Variants in RAB2A observed in about 807,000 individuals in gnomAD.
RAB2A encodes the protein RAB2A, member RAS oncogene family.
Under a neutral mutation model 32.5 loss-of-function variants are expected in RAB2A, and 7 were observed. The ratio of observed to expected loss-of-function variants is 0.22; its 90% CI spans 0.12 to 0.40. The LOEUF (loss-of-function observed/expected upper bound fraction) is 0.40, where lower values mean the gene tolerates loss of function less well. Ranked by LOEUF, RAB2A falls within the 10% of genes least tolerant of loss-of-function variation. RAB2A has a pLI of 1.00. For synonymous variants in RAB2A, 79 were observed against 85.2 expected, an observed-to-expected ratio of 0.93 and a Z score of 0.40; for missense variants, 108 against 260.7, an observed-to-expected ratio of 0.41 and a Z score of 4.03.
At chr8:60,570,043 A>G (rs756695715) in intron 2 of RAB2A, 1 of 456,162 alleles carries the variant, frequency 2.2e-6, no homozygotes, top group South Asian at 1.5e-5. Flanking sequence ...ATCTGCTCGG[A>G]TGGAATGGTC....
intron 1 of RAB2A, among the ~76,000 whole-genome samples, chr8:60,547,391 C>T (rs76360956): frequency 2.0e-5 from 3 of 152,332 alleles, no homozygotes; most frequent in South Asian, 2.1e-4. Context: ...CATCATGGCC[C>T]GTTCTCAATG....
intron 6 of RAB2A, among the ~76,000 whole-genome samples, chr8:60,614,776 A>G (rs537251270): frequency 2.6e-5 from 4 of 152,312 alleles, no homozygotes; most frequent in African/African-American, 9.6e-5. Context: ...TTAGTGTTTG[A>G]GGTGGAAAGC....
intron 1 of RAB2A, among the ~76,000 whole-genome samples, chr8:60,525,895 T>G (rs1807370136): frequency 1.3e-5 from 2 of 149,348 alleles, no homozygotes; most frequent in South Asian, 4.2e-4. Context: ...TATATATATT[T>G]TTTAGTTTTT....
chr8:60,560,762 G>A (rs1808010744), intron 2 of RAB2A, among the ~76,000 whole-genome samples: 1 of 140,332 alleles, frequency 7.1e-6, no homozygotes, highest in Non-Finnish European at 1.5e-5. Context: ...TTTTTTTTTA[G>A]CTCATCACCT....
intron 3 of RAB2A, among the ~76,000 whole-genome samples, chr8:60,581,039 C>T (rs1235489506): frequency 3.9e-5 from 6 of 152,128 alleles, no homozygotes; most frequent in Admixed American, 3.9e-4. Context: ...TCTTCCTTAT[C>T]CATGAGGAAT....
intron 3 of RAB2A, among the ~76,000 whole-genome samples, chr8:60,579,725 T>C (rs1803707816): frequency 6.6e-6 from 1 of 151,980 alleles, no homozygotes; most frequent in South Asian, 2.1e-4. Context: ...CCTCCCAGGT[T>C]CACGCCATTC....
chr8:60,596,777 C>G (rs1804036354), intron 6 of RAB2A, among the ~76,000 whole-genome samples: 1 of 152,054 alleles, frequency 6.6e-6, no homozygotes, highest in Non-Finnish European at 1.5e-5. Flanking sequence ...AAAAATTAGC[C>G]AGGCGTGGTG....
chr8:60,611,063 A>G (rs1804337775), intron 6 of RAB2A, among the ~76,000 whole-genome samples: 2 of 152,204 alleles, frequency 1.3e-5, no homozygotes. Flanking sequence ...TTACTCTGTC[A>G]CTTAAAGTCC....
At chr8:60,607,737 G>T (rs952832435) in intron 6 of RAB2A, among the ~76,000 whole-genome samples, 3 of 152,186 alleles carry the variant, frequency 2.0e-5, no homozygotes, top group African/African-American at 7.2e-5. Flanking sequence ...TGATCCAGGG[G>T]TCACACTCTG....
Position 60,530,124 on chromosome 8 carries a change from C to T in RAB2A, c.46+12871C>T, listed in dbSNP as rs143990930. 1.5e-3 allele frequency among the ~76,000 whole-genome samples: 221 copies of T among 149,492 alleles called. 2 individuals carry two copies. Among genetic ancestry groups the T allele is most frequent in the Middle Eastern group, 3.5e-3 (1 of 282 alleles). On this transcript the variant is annotated intron_variant, in intron 1 of 7. Transcript: ENST00000262646. The stretch of plus-strand genomic sequence containing the variant: ...CTGAGGTCACAGGCACATGCCACCA[C>T]ACCTGGCTAATTTTTTTTTCTTTTT...
At chr8:60,543,561 C>G (rs896488487) in intron 1 of RAB2A, among the ~76,000 whole-genome samples, 3 of 152,208 alleles carry the variant, frequency 2.0e-5, no homozygotes, top group Admixed American at 2.0e-4. Context: ...TGCAAAGATC[C>G]TTTTTCCAAA....
intron 1 of RAB2A, among the ~76,000 whole-genome samples, chr8:60,525,992 T>A (rs1807374365): frequency 7.0e-6 from 1 of 143,744 alleles, no homozygotes; most frequent in African/African-American, 2.6e-5. Context: ...TATGTATATA[T>A]GTCTATATGT....
rs183870220 is a variant in RAB2A, at chr8:60,544,419, T to C, written c.47-14433T>C. Among the ~76,000 whole-genome samples the C allele has an allele frequency of 7.9e-5, 12 of 152,270 alleles. No homozygotes were observed. The East Asian group carries it at 9.6e-4, about 12-fold the overall frequency. ...TAGTTGGAGATAATGCTCTCTTAGC[T>C]GTATTCATCTTGAAGAATCCTCAGT... is the stretch of plus-strand genomic sequence containing the variant. On this transcript the variant is annotated intron_variant, in intron 1 of 7. Coordinates refer to ENST00000262646, the MANE Select transcript of RAB2A (RefSeq NM_002865.3).
chr8:60,557,804 T>C (rs1285279423), intron 1 of RAB2A, among the ~76,000 whole-genome samples: 1 of 152,122 alleles, frequency 6.6e-6, no homozygotes, highest in Non-Finnish European at 1.5e-5. Context: ...ACTCCTGGGC[T>C]CAAGGCCTAC....
intron 2 of RAB2A, among the ~76,000 whole-genome samples, chr8:60,560,472 C>G (rs754576742): frequency 4.1e-4 from 62 of 152,332 alleles, no homozygotes; most frequent in Non-Finnish European, 7.3e-4. Context: ...TTAGGCATGA[C>G]TCATTTCTAA....
intron 2 of RAB2A, among the ~76,000 whole-genome samples, chr8:60,570,352 C>T (rs1347229635): frequency 6.6e-6 from 1 of 152,166 alleles, no homozygotes; most frequent in African/African-American, 2.4e-5. Flanking sequence ...AAAGCCTCTA[C>T]TCTGTCTGAT....
intron 6 of RAB2A, 119 bp from the exon 7 acceptor site, chr8:60,618,458 TTAA>T (rs1804483296): frequency 5.5e-6 from 2 of 360,490 alleles, no homozygotes; most frequent in East Asian, 7.5e-5. Flanking sequence ...TTGTTCTTTA[TTAA>T]TATGTATTAC....
At chr8:60,560,739 T>C (rs1808009185) in intron 2 of RAB2A, among the ~76,000 whole-genome samples, 1 of 126,910 alleles carries the variant, frequency 7.9e-6, no homozygotes, top group South Asian at 3.0e-4. Context: ...TTTTTGTTTT[T>C]TGTTTTTTGT....
rs1436684390 is a variant in RAB2A at position 60,622,944 on chromosome 8, C to T, written c.*2175C>T. 1 of 152,170 alleles carries T rather than the reference C, an allele frequency of 6.6e-6. No homozygotes were observed. The highest frequency in any genetic ancestry group is 1.5e-5 in the Non-Finnish European group (1 of 68,028). The allele number at this position is 152,170 out of a possible 1,614,324, so 9.4% of individuals were successfully genotyped here. A position where few individuals can be genotyped will look rare whatever the true frequency, so the allele number is the denominator to read the frequency against. On this transcript the variant is annotated 3_prime_UTR_variant, in exon 8 of 8. Coordinates refer to ENST00000262646, the MANE Select transcript of RAB2A (RefSeq NM_002865.3). ...TTCCAGTCTTTGCTCATTTTATTAT[C>T]CCTGTCAAATAATGTAATATTGGTA...
Sources: gnomAD v4.1 joint callset for allele counts (sites outside exome capture counted in the v4.1 genomes callset) on GRCh38, gnomAD v4.1.1 for gene constraint, MANE v1.5 for transcripts, NCBI Gene and HGNC (gene_info 2026-07-23, HGNC 2026-07-21) for gene names.